The following BPIFA1 variants were observed in gnomAD, a reference collection of about 807,000 sequenced individuals.
The protein encoded by BPIFA1 is BPI fold containing family A member 1, also known as BPI fold-containing family A member 1.
In BPIFA1, 24 loss-of-function variants were observed where a neutral mutation model predicts 25.1. The observed-to-expected ratio is 0.96, with a 90% CI of 0.69 to 1.35. The LOEUF (loss-of-function observed/expected upper bound fraction) is 1.35. Among genes scored for constraint, BPIFA1 ranks in the 40% most tolerant of loss-of-function variants. The pLI is 0.00. For synonymous variants in BPIFA1, 139 were observed against 131.8 expected, an observed-to-expected ratio of 1.05 and a Z score of -0.37; for missense variants, 344 against 303.7, an observed-to-expected ratio of 1.13 and a Z score of -0.99.
In BPIFA1 at chr20:33,242,470, CTTGT is replaced by C. The variant is rs1979028520; in HGVS notation, c.731-6_731-3del. On this transcript the variant is annotated splice_polypyrimidine_tract_variant and intron_variant, in intron 7 of 8. Transcript: ENST00000354297. ...ATAACTGTCGTCTGTTTTTTTATTG[CTTGT>C]TTGTTTGTTTAGACATGCTGATCCA... The C allele has an allele frequency of 2.5e-6, 4 of 1,613,656 alleles. No homozygotes were observed. In the South Asian group the frequency reaches 3.3e-5, roughly 13 times the overall value.
Position 33,239,922 on chromosome 20 carries a change from C to T in BPIFA1, c.428+12C>T. On this transcript the variant is annotated intron_variant, in intron 4 of 8. Coordinates refer to ENST00000354297, the MANE Select transcript of BPIFA1 (RefSeq NM_130852.3). The stretch of plus-strand genomic sequence containing the variant: ...CTCCAAGTGAATACGTGAGTGGGTC[C>T]CAAGAGGGGGTGAGAGGATGGCTCA... 6.2e-7 allele frequency: 1 copy of T among 1,608,474 alleles called. No individual in the cohort carries two copies. Among genetic ancestry groups the T allele is most frequent in the Non-Finnish European group, 8.5e-7 (1 of 1,174,890 alleles).
In BPIFA1 at chr20:33,237,735, T is replaced by C; in HGVS notation, c.24T>C (p.Ile8=). 6.8e-7 allele frequency: 1 copy of C among 1,472,600 alleles called. No individual in the cohort carries two copies. The highest frequency in any genetic ancestry group is 2.5e-5 in the East Asian group (1 of 40,476). The allele number at this position is 1,472,600 out of a possible 1,614,324, so 91.2% of individuals were successfully genotyped here. MFQTGGL[I]VFYGLLAQTM... is the part of the protein sequence containing the mutation. The stretch of plus-strand genomic sequence containing the variant: ...AGATGTTTCAAACTGGGGGCCTCAT[T>C]GTCTTCTACGGGCTGTTAGCCCAGA... Residue 8 remains isoleucine (I), a synonymous_variant, in exon 2 of 9, where the codon ATT becomes ATC. Transcript: ENST00000354297.
Position 33,237,829 on chromosome 20 carries a change from C to A in BPIFA1, c.118C>A (p.Leu40Met). Residue 40 changes from leucine (L) to methionine (M), a missense_variant, in exon 2 of 9, where the codon CTG becomes ATG. Leu to Met is a conservative substitution (Grantham distance 15). Transcript: ENST00000354297. ...CCTGCCCTTGAATGTGAATCCAGCCCTGCCCTTGAGTCCCACAGGTCTTGC... is the reference window on the plus strand; with the variant it reads ...CCTGCCCTTGAATGTGAATCCAGCCATGCCCTTGAGTCCCACAGGTCTTGC... The part of the protein sequence containing the change: ...QTLPLNVNPA[L>M]PLSPTGLAGS... 1 of 1,598,420 alleles carries A rather than the reference C, an allele frequency of 6.3e-7. No homozygotes were observed. Among genetic ancestry groups the A allele is most frequent in the South Asian group, 1.1e-5 (1 of 88,118 alleles).
chr20:33,242,453 C>A, intron 7 of BPIFA1, 34 bp from the exon 8 acceptor site: 3 of 1,612,156 alleles, frequency 1.9e-6, no homozygotes, highest in South Asian at 2.2e-5. Context: ...TCATAACTGT[C>A]GTCTGTTTTT....
chr20:33,237,534 C>T (rs1033299124), intron 1 of BPIFA1, among the ~76,000 whole-genome samples, 163 bp from the exon 2 acceptor site: 2 of 152,228 alleles, frequency 1.3e-5, no homozygotes, highest in African/African-American at 2.4e-5. Flanking sequence ...AGTGGTCAGC[C>T]TGTTGCCTGG....
rs368242286 is a variant in BPIFA1, at chr20:33,238,173, A to C, written c.279A>C (p.Gly93=). The C allele has an allele frequency of 6.2e-7, 1 of 1,613,754 alleles. No homozygotes were observed. The highest frequency in any genetic ancestry group is 1.1e-5 in the South Asian group (1 of 91,074). Residue 93 remains glycine (G), a synonymous_variant, in exon 3 of 9, where the codon GGA becomes GGC. Transcript: ENST00000354297. ...TSGGLLGGLL[G]KVTSVIPGLN... ...GTGGCCTCCTTGGGGGACTGCTTGG[A>C]AAAGTGACGTCAGTGATTCCTGGCC... is the stretch of plus-strand genomic sequence containing the variant.
chr20:33,237,685 T>C lies in BPIFA1; in HGVS notation c.-15-12T>C, dbSNP rs2146497410. ...TACCCATGCCATGTTGGACTTGTCA[T>C]TCTGGCCACAGATACTAAGAGCAAA... On this transcript the variant is annotated splice_polypyrimidine_tract_variant and intron_variant, in intron 1 of 8. Coordinates refer to ENST00000354297, the MANE Select transcript of BPIFA1 (RefSeq NM_130852.3). The C allele has an allele frequency of 7.0e-7, 1 of 1,418,930 alleles. No homozygotes were observed. Among genetic ancestry groups the C allele is most frequent in the East Asian group, 2.6e-5 (1 of 38,634 alleles). The allele number at this position is 1,418,930 out of a possible 1,614,324, so 87.9% of individuals were successfully genotyped here.
chr20:33,238,969 C>A (rs953128256), intron 3 of BPIFA1, among the ~76,000 whole-genome samples: 1 of 152,296 alleles, frequency 6.6e-6, no homozygotes. Context: ...ACAGGACACC[C>A]TGTCTCTCTG....
At chr20:33,239,994 G>T in intron 4 of BPIFA1, 84 bp downstream of exon 4, 1 of 1,450,260 alleles carries the variant, frequency 6.9e-7, no homozygotes, top group Non-Finnish European at 9.6e-7. Flanking sequence ...GGGGGTATTG[G>T]AGTCTAACAG....
At chr20:33,242,639 G>A in intron 8 of BPIFA1, 78 bp downstream of exon 8, 1 of 1,039,086 alleles carries the variant, frequency 9.6e-7, no homozygotes. Flanking sequence ...GGGAGCTTGG[G>A]ACAATGACAT....
chr20:33,240,320 G>T lies in BPIFA1; in HGVS notation c.516G>T (p.Arg172Ser), dbSNP rs377508040. The part of the protein sequence containing the change: ...EILAVRDKQE[R>S]IHLVLGDCTH... ...TAGCTGTGAGAGATAAGCAGGAGAG[G>T]ATCCACCTGGTCCTTGGTGACTGCA... The change falls in exon 5 of 9, where the codon AGG (arginine) becomes AGT (serine). Residue 172 changes from arginine (R) to serine (S), a missense_variant. Arg to Ser is a moderately radical substitution (Grantham distance 110, BLOSUM62 -1). Coordinates refer to ENST00000354297, the MANE Select transcript of BPIFA1 (RefSeq NM_130852.3). 1 of 1,614,156 alleles carries T rather than the reference G, an allele frequency of 6.2e-7. No homozygotes were observed. Among genetic ancestry groups the T allele is most frequent in the South Asian group, 1.1e-5 (1 of 91,076 alleles).
intron 5 of BPIFA1, among the ~76,000 whole-genome samples, chr20:33,240,863 G>A (rs1978944196): frequency 6.6e-6 from 1 of 152,122 alleles, no homozygotes; most frequent in South Asian, 2.1e-4. Flanking sequence ...CTGCAATATG[G>A]AACTGCACTG....
intron 3 of BPIFA1, among the ~76,000 whole-genome samples, chr20:33,238,956 G>A (rs1233984344): frequency 2.6e-5 from 4 of 152,136 alleles, no homozygotes; most frequent in Non-Finnish European, 5.9e-5. Flanking sequence ...TGGATGACCT[G>A]GGACAGGACA....
intron 7 of BPIFA1, 66 bp from the exon 8 acceptor site, chr20:33,242,421 T>C: frequency 1.9e-6 from 3 of 1,575,196 alleles, no homozygotes; most frequent in Non-Finnish European, 2.6e-6. Context: ...CCTTGAGGAA[T>C]ATGGACTCCT....
In BPIFA1 at chr20:33,239,787, A is replaced by T. The variant is rs1600640375; in HGVS notation, c.321-16A>T. On this transcript the variant is annotated splice_polypyrimidine_tract_variant and intron_variant, in intron 3 of 8. Transcript: ENST00000354297. ...AGGAGCTAATGTTTCCCCCTCCAAT[A>T]TTACTCCCTGGACAGCATAAAGGTC... The T allele has an allele frequency of 1.9e-6, 3 of 1,608,638 alleles. No homozygotes were observed. The highest frequency in any genetic ancestry group is 1.7e-6 in the Non-Finnish European group (2 of 1,175,128).
intron 7 of BPIFA1, 107 bp downstream of exon 7, chr20:33,242,226 ACT>A (rs1180399927): frequency 1.6e-6 from 2 of 1,212,470 alleles, no homozygotes; most frequent in South Asian, 1.2e-5. Context: ...TCTGGCCTCA[ACT>A]CTCTCTATTT....
chr20:33,239,235 T>C (rs1978841554), intron 3 of BPIFA1, among the ~76,000 whole-genome samples: 1 of 152,154 alleles, frequency 6.6e-6, no homozygotes, highest in Admixed American at 6.5e-5. Flanking sequence ...TTCTGCACTC[T>C]CCCTGACTTC....
intron 3 of BPIFA1, among the ~76,000 whole-genome samples, chr20:33,239,203 G>A (rs967311497): frequency 6.6e-6 from 1 of 152,014 alleles, no homozygotes; most frequent in Non-Finnish European, 1.5e-5. Context: ...AGGACAATGG[G>A]AGAATGGCTT....
At chr20:33,240,645 T>TGATA (rs10677321) in intron 5 of BPIFA1, among the ~76,000 whole-genome samples, 53,555 of 142,690 alleles carry the variant, frequency 0.38, 10,144 homozygotes, top group South Asian at 0.45. Flanking sequence ...GATAGATAGA[T>TGATA]GATAGATAGA....
Sources: allele counts gnomAD v4.1 joint callset (sites outside exome capture counted in the v4.1 genomes callset), GRCh38; gene constraint gnomAD v4.1.1; transcripts MANE v1.5; gene names NCBI Gene and HGNC (gene_info 2026-07-23, HGNC 2026-07-21).